Variants in SLC16A7 observed in about 807,000 individuals in gnomAD.
SLC16A7 encodes solute carrier family 16 member 7.
A neutral mutation model predicts 34.9 loss-of-function variants in SLC16A7; 33 were observed. The observed-to-expected ratio is 0.94, with a 90% confidence interval of 0.72 to 1.26. The LOEUF (loss-of-function observed/expected upper bound fraction) is 1.26, where lower values mean the gene tolerates loss of function less well. Among genes scored for constraint, SLC16A7 ranks in the 50% most tolerant of loss-of-function variants. SLC16A7 has a pLI of 0.00. For synonymous variants in SLC16A7, 201 were observed against 206.6 expected (o/e 0.97, Z 0.23); for missense variants, 573 against 578.1 (o/e 0.99, Z 0.09).
At chr12:59,650,034 G>A (rs1240145944) in intron 1 of SLC16A7, among the ~76,000 whole-genome samples, 2 of 151,902 alleles carry the variant, frequency 1.3e-5, no homozygotes, top group Non-Finnish European at 2.9e-5. Context: ...TCAAGGCATT[G>A]CATTGTATTA....
chr12:59,763,371 A>G (rs536328204), intron 3 of SLC16A7, among the ~76,000 whole-genome samples: 4 of 152,124 alleles, frequency 2.6e-5, no homozygotes, highest in Non-Finnish European at 4.4e-5. Flanking sequence ...CAAAAATCAC[A>G]TAATGATTTA....
intron 3 of SLC16A7, chr12:59,734,163 T>G (rs1877301014): frequency 4.8e-6 from 1 of 206,670 alleles, no homozygotes; most frequent in Non-Finnish European, 1.0e-5. Flanking sequence ...CCTCCCACCA[T>G]CAACATGCCC....
intron 1 of SLC16A7, among the ~76,000 whole-genome samples, chr12:59,628,867 A>T (rs1880053642): frequency 2.0e-5 from 3 of 151,870 alleles, no homozygotes; most frequent in Admixed American, 6.6e-5. Flanking sequence ...AGACTTTTTA[A>T]AATCTTCATT....
chr12:59,609,425 A>G (rs931206000), intron 1 of SLC16A7, among the ~76,000 whole-genome samples: 9 of 152,000 alleles, frequency 5.9e-5, no homozygotes, highest in African/African-American at 1.7e-4. Context: ...TCTTTGGCAT[A>G]TCTGGACTTT....
intron 5 of SLC16A7, among the ~76,000 whole-genome samples, chr12:59,777,233 A>G (rs1336230679): frequency 2.0e-5 from 3 of 152,170 alleles, no homozygotes; most frequent in African/African-American, 7.2e-5. Flanking sequence ...TTTTAGACCT[A>G]TTGTTGAAAC....
intron 3 of SLC16A7, among the ~76,000 whole-genome samples, chr12:59,742,646 A>G (rs563104256): frequency 1.5e-4 from 23 of 152,394 alleles, no homozygotes; most frequent in African/African-American, 5.3e-4. Context: ...GCATCTGTAG[A>G]TAATGGTCCT....
intron 1 of SLC16A7, among the ~76,000 whole-genome samples, chr12:59,628,609 G>T (rs147471234): frequency 9.2e-5 from 14 of 151,824 alleles, no homozygotes; most frequent in African/African-American, 2.9e-4. Flanking sequence ...CCCCTGCTAT[G>T]TGGTGAGGGA....
At chr12:59,735,293 G>T (rs749984705) in intron 3 of SLC16A7, among the ~76,000 whole-genome samples, 1 of 152,128 alleles carries the variant, frequency 6.6e-6, no homozygotes, top group East Asian at 1.9e-4. Flanking sequence ...CCCAAAGTTG[G>T]TGTATTTCAT....
chr12:59,742,098 G>T (rs1878416782), intron 3 of SLC16A7, among the ~76,000 whole-genome samples: 2 of 152,156 alleles, frequency 1.3e-5, no homozygotes, highest in Admixed American at 6.5e-5. Context: ...CTTAGGGTGG[G>T]CTGCTCACAT....
chr12:59,737,421 A>G (rs1457376072), intron 3 of SLC16A7, among the ~76,000 whole-genome samples: 1 of 152,168 alleles, frequency 6.6e-6, no homozygotes, highest in Admixed American at 6.6e-5. Flanking sequence ...TTAGTAATGG[A>G]CCTTTTAAAA....
rs144716529 is a variant in SLC16A7 at position 59,771,250 on chromosome 12, C to A, written c.249C>A (p.Tyr83Ter). ...GPVSSVLVNK[Y>*]GSRPVVIAGG... ...TAAGTAGTGTTTTGGTGAATAAATA[C>A]GGCAGCCGGCCGGTGGTGATAGCAG... The change falls in exon 4 of 6, where the codon TAC becomes TAA. Residue 83 changes from tyrosine (Y) to a stop codon, truncating the protein, a stop_gained. Coordinates refer to ENST00000547379, the MANE Select transcript of SLC16A7 (RefSeq NM_001270623.2). LOFTEE classifies it high-confidence loss of function. 4.2e-5 allele frequency: 68 copies of A among 1,612,784 alleles called. No homozygotes were observed. Among genetic ancestry groups the A allele is most frequent in the Non-Finnish European group, 5.8e-5 (68 of 1,179,388 alleles).
chr12:59,618,394 A>G (rs1405760610), intron 1 of SLC16A7, among the ~76,000 whole-genome samples: 1 of 151,918 alleles, frequency 6.6e-6, no homozygotes, highest in Non-Finnish European at 1.5e-5. Flanking sequence ...AGCATGAGAG[A>G]CCTGTGAAAT....
At chr12:59,771,582 T>G (rs1882233474) in intron 4 of SLC16A7, among the ~76,000 whole-genome samples, 1 of 152,200 alleles carries the variant, frequency 6.6e-6, no homozygotes, top group Non-Finnish European at 1.5e-5. Flanking sequence ...AGTTACATGT[T>G]ATCATATAAA....
At chr12:59,766,609 T>C (rs916040066) in intron 3 of SLC16A7, among the ~76,000 whole-genome samples, 13 of 152,214 alleles carry the variant, frequency 8.5e-5, no homozygotes, top group Non-Finnish European at 1.8e-4. Context: ...TTGTCTTTGG[T>C]TCTGTTTATA....
intron 2 of SLC16A7, among the ~76,000 whole-genome samples, chr12:59,687,723 T>G (rs1466901272): frequency 6.6e-6 from 1 of 152,136 alleles, no homozygotes; most frequent in Non-Finnish European, 1.5e-5. Context: ...GTCAAACATT[T>G]TCTTATTTTC....
At chr12:59,601,494 T>C (rs918347062) in intron 1 of SLC16A7, among the ~76,000 whole-genome samples, 1 of 152,228 alleles carries the variant, frequency 6.6e-6, no homozygotes, top group African/African-American at 2.4e-5. Context: ...CAGTGATAAA[T>C]GGCAGTCGGT....
At chr12:59,699,242 CCAA>C in intron 2 of SLC16A7, among the ~76,000 whole-genome samples, 1 of 151,542 alleles carries the variant, frequency 6.6e-6, no homozygotes, top group Middle Eastern at 3.4e-3. Flanking sequence ...GCCTAAACTT[CCAA>C]ATTTTAGAAG....
chr12:59,660,558 T>A (rs897187246), intron 2 of SLC16A7, among the ~76,000 whole-genome samples: 17 of 141,960 alleles, frequency 1.2e-4, no homozygotes, highest in Middle Eastern at 3.5e-3. Context: ...AAAAAAAAAA[T>A]TAAAAATTAT....
chr12:59,648,041 G>A (rs942215919), intron 1 of SLC16A7, among the ~76,000 whole-genome samples: 3 of 152,092 alleles, frequency 2.0e-5, no homozygotes, highest in African/African-American at 7.2e-5. Context: ...GTGACAGAGT[G>A]AGACCTTGTC....
Sources: gnomAD v4.1 joint callset for allele counts (sites outside exome capture counted in the v4.1 genomes callset) on GRCh38, gnomAD v4.1.1 for gene constraint, MANE v1.5 for transcripts, NCBI Gene and HGNC (gene_info 2026-07-23, HGNC 2026-07-21) for gene names.